PCDH7: variants seen among roughly 807,000 people sequenced by gnomAD.
The protein encoded by PCDH7 is protocadherin 7.
A neutral mutation model predicts 58.9 loss-of-function variants in PCDH7; 17 were observed. The ratio of observed to expected loss-of-function variants is 0.29; its 90% CI spans 0.20 to 0.43. The LOEUF is 0.43. Among genes scored for constraint, PCDH7 ranks in the 20% least tolerant of loss-of-function variants. The pLI is 1.00. For synonymous variants in PCDH7, 664 were observed against 616.4 expected (o/e 1.08, Z -1.14); for missense variants, 1,274 against 1,441.0 (o/e 0.88, Z 1.88).
chr4:30,860,417 CT>C (rs34560786), intron 1 of PCDH7, among the ~76,000 whole-genome samples: 71,339 of 148,398 alleles, frequency 0.48, 17,029 homozygotes, highest in Middle Eastern at 0.55. Context: ...ATAATTAAGT[CT>C]TTTTTTTTTT....
chr4:30,759,481 C>T (rs1461293986), intron 1 of PCDH7, among the ~76,000 whole-genome samples: 1 of 152,016 alleles, frequency 6.6e-6, no homozygotes, highest in African/African-American at 2.4e-5. Context: ...ATTAAGCAGT[C>T]AACTTTATTC....
chr4:31,088,062 A>G (rs1219850084), intron 3 of PCDH7, among the ~76,000 whole-genome samples: 13 of 152,042 alleles, frequency 8.6e-5, no homozygotes, highest in Admixed American at 7.9e-4. Context: ...TCAGTTAGTA[A>G]ATTGATTCGA....
chr4:30,904,497 A>T (rs1740657890), intron 1 of PCDH7, among the ~76,000 whole-genome samples: 1 of 152,182 alleles, frequency 6.6e-6, no homozygotes, highest in Non-Finnish European at 1.5e-5. Flanking sequence ...TACCCATTTT[A>T]AAGTCAGTTG....
chr4:30,862,488 A>G (rs1365266545), intron 1 of PCDH7, among the ~76,000 whole-genome samples: 5 of 152,136 alleles, frequency 3.3e-5, no homozygotes, highest in Non-Finnish European at 7.4e-5. Context: ...GGCTATTGTG[A>G]AATGTAGAAA....
intron 1 of PCDH7, among the ~76,000 whole-genome samples, chr4:30,780,271 C>T (rs1489365361): frequency 1.3e-5 from 2 of 151,920 alleles, no homozygotes; most frequent in African/African-American, 2.4e-5. Context: ...TTTGGGAGGT[C>T]GAGGCAGGTA....
intron 1 of PCDH7, among the ~76,000 whole-genome samples, chr4:30,902,887 T>C (rs1227826494): frequency 6.6e-6 from 1 of 152,154 alleles, no homozygotes; most frequent in Non-Finnish European, 1.5e-5. Context: ...AAATATCCCT[T>C]TTCTACAAGC....
intron 3 of PCDH7, among the ~76,000 whole-genome samples, chr4:30,955,956 G>A (rs1455249588): frequency 1.3e-5 from 2 of 151,722 alleles, no homozygotes; most frequent in African/African-American, 2.4e-5. Context: ...AGGCCGAGGC[G>A]GGTGGATCAA....
In PCDH7 at chr4:30,920,124, A is replaced by G. The variant is rs372399019; in HGVS notation, c.71-29A>G. 2.6e-5 allele frequency: 35 copies of G among 1,349,318 alleles called. No individual in the cohort carries two copies. In the African/African-American group the frequency reaches 3.1e-4, roughly 12 times the overall value. The allele number at this position is 1,349,318 out of a possible 1,614,324, so 83.6% of individuals were successfully genotyped here. On this transcript the variant is annotated intron_variant, in intron 1 of 3. Coordinates refer to the PCDH7 transcript ENST00000509759. ...AAGATCATTTACAATCTTACATCGT[A>G]GTGACATTCAGAATCTTTTCTTTTG...
At chr4:30,853,523 G>A (rs1177876611) in intron 1 of PCDH7, among the ~76,000 whole-genome samples, 1 of 152,006 alleles carries the variant, frequency 6.6e-6, no homozygotes, top group Non-Finnish European at 1.5e-5. Flanking sequence ...TTTTAACGTA[G>A]CAACCCTATT....
At chr4:30,845,218 G>A (rs1731758172) in intron 1 of PCDH7, among the ~76,000 whole-genome samples, 1 of 152,142 alleles carries the variant, frequency 6.6e-6, no homozygotes, top group Non-Finnish European at 1.5e-5. Context: ...TTGAAAAGGT[G>A]AAACACATTA....
chr4:31,142,933 T>A, exon 4 of PCDH7: 2 of 1,055,874 alleles, frequency 1.9e-6, no homozygotes, highest in African/African-American at 1.7e-5. Context: ...AAACGTTTAA[T>A]CACAAAGAGG....
At chr4:30,747,066 T>C (rs1272743649) in intron 1 of PCDH7, among the ~76,000 whole-genome samples, 1 of 152,204 alleles carries the variant, frequency 6.6e-6, no homozygotes, top group Non-Finnish European at 1.5e-5. Context: ...TTTCAATGCA[T>C]TTTTTGAATT....
At chr4:30,843,061 C>CTT (rs368453238) in intron 1 of PCDH7, among the ~76,000 whole-genome samples, 99 of 137,132 alleles carry the variant, frequency 7.2e-4, no homozygotes, top group African/African-American at 2.5e-3. Context: ...AAACAAATGA[C>CTT]TTTTTTTTTT....
intron 3 of PCDH7, among the ~76,000 whole-genome samples, chr4:31,072,550 T>A (rs1362769323): frequency 6.6e-6 from 1 of 152,066 alleles, no homozygotes; most frequent in African/African-American, 2.4e-5. Context: ...GAGTCACCAT[T>A]TTAGAAATTG....
At chr4:31,050,593 A>T (rs565324249) in intron 3 of PCDH7, among the ~76,000 whole-genome samples, 1 of 152,148 alleles carries the variant, frequency 6.6e-6, no homozygotes, top group South Asian at 2.1e-4. Flanking sequence ...GACATTAATG[A>T]CAATAATGTG....
intron 3 of PCDH7, among the ~76,000 whole-genome samples, chr4:30,996,584 G>A (rs760519154): frequency 6.6e-6 from 1 of 152,130 alleles, no homozygotes; most frequent in Non-Finnish European, 1.5e-5. Context: ...GCTACTGATA[G>A]TTGAAAAGTG....
intron 1 of PCDH7, among the ~76,000 whole-genome samples, chr4:30,911,642 T>G (rs1578260902): frequency 1.3e-5 from 2 of 152,284 alleles, no homozygotes; most frequent in East Asian, 3.9e-4. Context: ...CTACATTAAC[T>G]AAGAGTTTTA....
chr4:30,810,595 T>A lies in PCDH7; in HGVS notation c.70+85999T>A, dbSNP rs59090810. 6.6e-4 allele frequency among the ~76,000 whole-genome samples: 100 copies of A among 151,052 alleles called. 2 individuals are homozygous for A. In the East Asian group the frequency reaches 0.018, roughly 27 times the overall value. On this transcript the variant is annotated intron_variant, in intron 1 of 3. Coordinates refer to the PCDH7 transcript ENST00000509759. ...CATTTTCTTGTAAATTATGATTTTT[T>A]AAAAAACGTCTTCTCATTTTCTTTT...
At chr4:31,047,890 T>C (rs1756412553) in intron 3 of PCDH7, among the ~76,000 whole-genome samples, 1 of 152,030 alleles carries the variant, frequency 6.6e-6, no homozygotes, top group South Asian at 2.1e-4. Context: ...GGAGGTCTGT[T>C]TGGTTTAGAC....
Sources: gnomAD v4.1 joint callset for allele counts (sites outside exome capture counted in the v4.1 genomes callset) on GRCh38, gnomAD v4.1.1 for gene constraint, MANE v1.5 for transcripts, NCBI Gene and HGNC (gene_info 2026-07-23, HGNC 2026-07-21) for gene names.